Variants in TAFA1 observed in about 807,000 individuals in gnomAD.
TAFA1 encodes the protein TAFA chemokine like family member 1.
In TAFA1, 4 loss-of-function variants were observed where a neutral mutation model predicts 18.5. The ratio of observed to expected loss-of-function variants is 0.22; its 90% CI spans 0.11 to 0.49. The LOEUF is 0.49. Among genes scored for constraint, TAFA1 ranks in the 20% least tolerant of loss-of-function variants. The pLI, the probability that TAFA1 is intolerant of heterozygous loss-of-function variation, is 0.98. For synonymous variants in TAFA1, 56 were observed against 55.2 expected, an observed-to-expected ratio of 1.01 and a Z score of -0.06; for missense variants, 147 against 169.0, an observed-to-expected ratio of 0.87 and a Z score of 0.72.
At chr3:68,534,298 C>T (rs575545839) in intron 3 of TAFA1, among the ~76,000 whole-genome samples, 24 of 152,204 alleles carry the variant, frequency 1.6e-4, no homozygotes, top group Admixed American at 3.3e-4. Context: ...AGCCAAATTT[C>T]TCTTCGCCTT....
intron 2 of TAFA1, among the ~76,000 whole-genome samples, chr3:68,025,780 C>T (rs1704801651): frequency 6.6e-6 from 1 of 152,192 alleles, no homozygotes; most frequent in Non-Finnish European, 1.5e-5. Context: ...ATATCACCTC[C>T]TCTGTGAGGT....
At chr3:68,043,984 C>T (rs1705219749) in intron 2 of TAFA1, among the ~76,000 whole-genome samples, 1 of 152,104 alleles carries the variant, frequency 6.6e-6, no homozygotes, top group African/African-American at 2.4e-5. Flanking sequence ...TGCCCATTAT[C>T]CCAGCCAACC....
At chr3:68,398,040 G>T (rs1333732848) in intron 2 of TAFA1, among the ~76,000 whole-genome samples, 2 of 152,012 alleles carry the variant, frequency 1.3e-5, no homozygotes, top group African/African-American at 2.4e-5. Flanking sequence ...AGCTACTATT[G>T]ACTTTCTTCA....
At chr3:68,417,682 G>C in intron 3 of TAFA1, 1 of 422,012 alleles carries the variant, frequency 2.4e-6, no homozygotes, top group Non-Finnish European at 4.3e-6. Flanking sequence ...GAGGTGACTG[G>C]GCTGTGAGCA....
chr3:68,521,632 C>G (rs1034768594), intron 3 of TAFA1, among the ~76,000 whole-genome samples: 3 of 152,038 alleles, frequency 2.0e-5, no homozygotes, highest in African/African-American at 7.2e-5. Flanking sequence ...TCAAAGTATA[C>G]CTTAGAGACA....
chr3:68,356,060 A>G (rs1343272288), intron 2 of TAFA1, among the ~76,000 whole-genome samples: 1 of 151,992 alleles, frequency 6.6e-6, no homozygotes, highest in Non-Finnish European at 1.5e-5. Context: ...AATAGCCACA[A>G]GTGGCTAGCG....
At position 68,022,358 on chromosome 3, in the gene TAFA1, T is replaced by A. The variant is rs139510301; in HGVS notation, c.118+15614T>A. ...ATCAGATGGTATTTCTAAACTTATA[T>A]CCAGTGTTAGGTAAATGAAGTGGGG... is the stretch of plus-strand genomic sequence containing the variant. On this transcript the variant is annotated intron_variant, in intron 2 of 4. Transcript: ENST00000478136. Among the ~76,000 whole-genome samples the A allele has an allele frequency of 1.5e-4, 23 of 152,294 alleles. No homozygotes were observed. In the East Asian group the frequency reaches 4.2e-3, roughly 28 times the overall value.
intron 2 of TAFA1, among the ~76,000 whole-genome samples, chr3:68,072,845 T>C (rs1217319778): frequency 1.3e-5 from 2 of 152,226 alleles, no homozygotes; most frequent in African/African-American, 4.8e-5. Context: ...TTGAAACACG[T>C]GATCTAGTAG....
rs527621460 is a variant in TAFA1, at chr3:68,019,397, G to C, written c.118+12653G>C. On this transcript the variant is annotated intron_variant, in intron 2 of 4. Transcript: ENST00000478136. ...CTTTTGTGCCCCAGTCAGGGAAGCA[G>C]CAGCATAGGATAAATCTACATTTAT... is the stretch of plus-strand genomic sequence containing the variant. Among the ~76,000 whole-genome samples, 11 of 152,308 alleles carry C rather than the reference G, an allele frequency of 7.2e-5. No individual in the cohort carries two copies. The East Asian group carries it at 2.1e-3, about 29-fold the overall frequency.
At chr3:68,230,242 C>G (rs1014132953) in intron 2 of TAFA1, among the ~76,000 whole-genome samples, 1 of 152,110 alleles carries the variant, frequency 6.6e-6, no homozygotes, top group African/African-American at 2.4e-5. Context: ...GTACCCATAA[C>G]AAACCTCTCT....
intron 2 of TAFA1, among the ~76,000 whole-genome samples, chr3:68,156,963 T>A (rs1484689379): frequency 6.6e-6 from 1 of 152,182 alleles, no homozygotes; most frequent in African/African-American, 2.4e-5. Flanking sequence ...ACCACTGTGC[T>A]TTACTGCCTT....
At chr3:68,482,455 A>C (rs987915058) in intron 3 of TAFA1, among the ~76,000 whole-genome samples, 1 of 152,202 alleles carries the variant, frequency 6.6e-6, no homozygotes, top group African/African-American at 2.4e-5. Flanking sequence ...ACACAGAGGA[A>C]AGACCAGGGA....
At chr3:68,254,184 T>TCTAC (rs2067253696) in intron 2 of TAFA1, among the ~76,000 whole-genome samples, 1 of 150,856 alleles carries the variant, frequency 6.6e-6, no homozygotes, top group Non-Finnish European at 1.5e-5. Flanking sequence ...TATCTATCTA[T>TCTAC]CTAATCTGTC....
chr3:68,378,451 A>G (rs1234702492), intron 2 of TAFA1, among the ~76,000 whole-genome samples: 1 of 152,176 alleles, frequency 6.6e-6, no homozygotes, highest in Non-Finnish European at 1.5e-5. Context: ...CATTGTATCT[A>G]GGAAGTAACT....
chr3:68,415,007 T>TGACA (rs1377278296), intron 2 of TAFA1, among the ~76,000 whole-genome samples: 3 of 152,164 alleles, frequency 2.0e-5, no homozygotes, highest in Non-Finnish European at 2.9e-5. Flanking sequence ...TAAGCTAAAG[T>TGACA]GACATGATTG....
intron 2 of TAFA1, among the ~76,000 whole-genome samples, chr3:68,220,721 T>C (rs1292806123): frequency 2.0e-5 from 3 of 152,166 alleles, no homozygotes; most frequent in African/African-American, 7.2e-5. Flanking sequence ...GTGGAGAAGA[T>C]GGATTGTGGT....
chr3:68,210,713 A>T (rs935493229), intron 2 of TAFA1, among the ~76,000 whole-genome samples: 2 of 152,050 alleles, frequency 1.3e-5, no homozygotes, highest in African/African-American at 4.8e-5. Flanking sequence ...GCTGCTAGTT[A>T]ACCTTTTTGT....
chr3:68,115,233 G>T (rs12714615), intron 2 of TAFA1, among the ~76,000 whole-genome samples: 135,125 of 152,144 alleles, frequency 0.89, 60,387 homozygotes, highest in South Asian at 0.95. Flanking sequence ...GCACTTATGT[G>T]TTATGCACTT....
chr3:68,515,064 C>A (rs1282487018), intron 3 of TAFA1, among the ~76,000 whole-genome samples: 1 of 152,212 alleles, frequency 6.6e-6, no homozygotes, highest in South Asian at 2.1e-4. Context: ...CAAAATGGCT[C>A]ATTTACCTTG....
Sources: gnomAD v4.1 joint callset for allele counts (sites outside exome capture counted in the v4.1 genomes callset) on GRCh38, gnomAD v4.1.1 for gene constraint, MANE v1.5 for transcripts, NCBI Gene and HGNC (gene_info 2026-07-23, HGNC 2026-07-21) for gene names.